MACO1: variants seen among roughly 807,000 people sequenced by gnomAD.
MACO1 encodes the protein macoilin 1.
MACO1 carries 14 observed loss-of-function variants against 78.7 expected under a neutral mutation model. That is an observed-to-expected ratio of 0.18 (90% CI 0.12 to 0.28). The LOEUF is 0.28. Ranked by LOEUF, MACO1 falls within the 10% of genes least tolerant of loss-of-function variation. The pLI is 1.00. For synonymous variants in MACO1, 288 were observed against 291.6 expected (o/e 0.99, Z 0.12); for missense variants, 501 against 799.0 (o/e 0.63, Z 4.50).
rs181862111 is a variant in MACO1 at position 25,476,818 on chromosome 1, A to G, written c.1155-7298A>G. Among the ~76,000 whole-genome samples, 511 of 152,202 alleles carry G rather than the reference A, an allele frequency of 3.4e-3. 2 individuals carry two copies. Among genetic ancestry groups the G allele is most frequent in the African/African-American group, 0.01 (436 of 41,538 alleles). On this transcript the variant is annotated intron_variant, in intron 6 of 10. Transcript: ENST00000374343. The stretch of plus-strand genomic sequence containing the variant: ...CTTCCTTAAAAGCAAATGCCCACTT[A>G]CCCCTGTTCCCTTCAGCCACTATTT...
rs1411540680 is a variant in MACO1 at position 25,485,658 on chromosome 1, C to T, written c.1359C>T (p.Ile453=). ...TGAAGCAAAAAGACAAGCAGAATAT[C>T]AGCCAGTTGGAGAAAAAGCTAAAAG... The part of the protein sequence containing the change: ...VQMKQKDKQN[I]SQLEKKLKAE... Residue 453 remains isoleucine, a synonymous_variant, in exon 8 of 11, where the codon ATC becomes ATT. Coordinates refer to ENST00000374343, the MANE Select transcript of MACO1 (RefSeq NM_018202.6). The surrounding 1 kb of genome is among the most constrained non-coding windows in gnomAD (Gnocchi z 4.3). The T allele has an allele frequency of 1.9e-6, 3 of 1,614,068 alleles. No homozygotes were observed. The highest frequency in any genetic ancestry group is 1.7e-5 in the Admixed American group (1 of 60,002).
chr1:25,465,259 A>G (rs987012959), intron 6 of MACO1, among the ~76,000 whole-genome samples: 11 of 152,246 alleles, frequency 7.2e-5, no homozygotes, highest in Admixed American at 4.6e-4. Context: ...AAATAAAGCT[A>G]TAAACATCTA....
In MACO1 at chr1:25,480,932, ATATATATATAT is replaced by A. The variant is rs2043370048; in HGVS notation, c.1155-3183_1155-3173del. ...CTTGGTTAAAAAAAAAAAAAAAAATATATATATATATATATATATATATATATATATATATA... is the reference window on the plus strand; with the variant it reads ...CTTGGTTAAAAAAAAAAAAAAAAATAATATATATATATATATATATATATA... On this transcript the variant is annotated intron_variant, in intron 6 of 10. Coordinates refer to ENST00000374343, the MANE Select transcript of MACO1 (RefSeq NM_018202.6). Among the ~76,000 whole-genome samples the A allele has an allele frequency of 1.4e-3, 100 of 72,926 alleles. 7 individuals carry two copies. The highest frequency in any genetic ancestry group is 3.1e-3 in the African/African-American group (39 of 12,738). 47.8% of individuals were successfully genotyped at this position (72,926 alleles called of 152,430 possible).
chr1:25,463,040 A>G (rs2043185442), intron 6 of MACO1, among the ~76,000 whole-genome samples: 1 of 152,204 alleles, frequency 6.6e-6, no homozygotes, highest in African/African-American at 2.4e-5. Context: ...AGCCAAAAGT[A>G]TATACTGTCT....
At chr1:25,478,193 C>T (rs1004326958) in intron 6 of MACO1, among the ~76,000 whole-genome samples, 3 of 152,124 alleles carry the variant, frequency 2.0e-5, no homozygotes, top group South Asian at 2.1e-4. Context: ...TGCAGTGAGC[C>T]GAGATCATGC....
chr1:25,439,002 C>G (rs1201430247), intron 1 of MACO1, among the ~76,000 whole-genome samples: 1 of 151,900 alleles, frequency 6.6e-6, no homozygotes, highest in African/African-American at 2.4e-5. Flanking sequence ...ATAGAAAAAG[C>G]AAATTATATT....
intron 6 of MACO1, among the ~76,000 whole-genome samples, chr1:25,479,458 G>C (rs748910895): frequency 6.6e-6 from 1 of 151,944 alleles, no homozygotes; most frequent in Non-Finnish European, 1.5e-5. Flanking sequence ...CTGTCGCCCA[G>C]ACTGGAGTGC....
At chr1:25,456,896 T>G in intron 5 of MACO1, 65 bp downstream of exon 5, 1 of 1,505,050 alleles carries the variant, frequency 6.6e-7, no homozygotes, top group Non-Finnish European at 8.9e-7. Context: ...TTGGTAGAAT[T>G]TTCTTTTCTG....
At chr1:25,496,884 C>T (rs1449483384) in intron 10 of MACO1, among the ~76,000 whole-genome samples, 1 of 152,190 alleles carries the variant, frequency 6.6e-6, no homozygotes, top group African/African-American at 2.4e-5. Flanking sequence ...AGCTGTATAC[C>T]TTGAGCAAGT....
intron 8 of MACO1, among the ~76,000 whole-genome samples, chr1:25,488,105 G>A (rs1374974623): frequency 6.6e-6 from 1 of 152,224 alleles, no homozygotes; most frequent in African/African-American, 2.4e-5. Context: ...AGACTGGAGT[G>A]CAATGGTGCA....
At chr1:25,464,338 C>CTTTTTT (rs71014363) in intron 6 of MACO1, among the ~76,000 whole-genome samples, 74 of 80,988 alleles carry the variant, frequency 9.1e-4, no homozygotes, top group African/African-American at 1.7e-3. Context: ...TTTTTCTTCT[C>CTTTTTT]TTTTTTTTTT....
At chr1:25,491,760 T>G (rs1212957097) in intron 10 of MACO1, among the ~76,000 whole-genome samples, 176 bp downstream of exon 10, 1 of 152,204 alleles carries the variant, frequency 6.6e-6, no homozygotes, top group South Asian at 2.1e-4. Flanking sequence ...TTTGCAGACA[T>G]ATTTTGAGAT....
At chr1:25,476,747 G>A (rs1170085171) in intron 6 of MACO1, among the ~76,000 whole-genome samples, 9 of 152,184 alleles carry the variant, frequency 5.9e-5, no homozygotes, top group Non-Finnish European at 1.3e-4. Flanking sequence ...GGTACTAATC[G>A]AGATGAAGCA....
At chr1:25,431,691 A>T (rs780515576) in intron 1 of MACO1, among the ~76,000 whole-genome samples, 14 of 152,138 alleles carry the variant, frequency 9.2e-5, no homozygotes, top group Non-Finnish European at 1.9e-4. Context: ...AGCTGCCAGC[A>T]TACTGGCCTG....
intron 6 of MACO1, among the ~76,000 whole-genome samples, chr1:25,467,337 A>G (rs2043228437): frequency 6.6e-6 from 1 of 152,184 alleles, no homozygotes; most frequent in Non-Finnish European, 1.5e-5. Flanking sequence ...CTGAAGTTTC[A>G]AGGCCTGCAG....
At chr1:25,434,436 T>C (rs1192375312) in intron 1 of MACO1, among the ~76,000 whole-genome samples, 1 of 152,220 alleles carries the variant, frequency 6.6e-6, no homozygotes, top group Non-Finnish European at 1.5e-5. Flanking sequence ...TTGCGGAGGA[T>C]ACAGGATAAC....
Position 25,498,361 on chromosome 1 carries a change from C to T in MACO1, c.1890C>T (p.Thr630=), listed in dbSNP as rs1179504549. The change falls in exon 11 of 11, where the codon ACC becomes ACT. Residue 630 remains threonine (T), a synonymous_variant. Transcript: ENST00000374343. ...VMPSITYSAA[T]SPLSPVSPHY... ...CCAGCATAACATACAGTGCCGCCACCAGCCCCCTGAGCCCTGTTTCCCCCC... is the reference window on the plus strand; with the variant it reads ...CCAGCATAACATACAGTGCCGCCACTAGCCCCCTGAGCCCTGTTTCCCCCC... The T allele has an allele frequency of 2.5e-6, 4 of 1,613,982 alleles. No homozygotes were observed. The highest frequency in any genetic ancestry group is 2.5e-6 in the Non-Finnish European group (3 of 1,180,028).
intron 6 of MACO1, among the ~76,000 whole-genome samples, chr1:25,466,143 G>T (rs1409451978): frequency 6.6e-6 from 1 of 152,132 alleles, no homozygotes; most frequent in Non-Finnish European, 1.5e-5. Flanking sequence ...TGGGATTGCT[G>T]GATCAAGTGG....
chr1:25,465,995 C>T (rs2043216073), intron 6 of MACO1, among the ~76,000 whole-genome samples: 1 of 151,950 alleles, frequency 6.6e-6, no homozygotes, highest in Non-Finnish European at 1.5e-5. Flanking sequence ...ACCACATTTT[C>T]TTTATCCAGT....
Sources: allele counts gnomAD v4.1 joint callset (sites outside exome capture counted in the v4.1 genomes callset), GRCh38; gene constraint gnomAD v4.1.1; non-coding constraint Gnocchi (gnomAD v3.1); transcripts MANE v1.5; gene names NCBI Gene and HGNC (gene_info 2026-07-23, HGNC 2026-07-21).